GALNT13: variants seen among roughly 807,000 people sequenced by gnomAD.
GALNT13 encodes the protein UDP-GalNAc:polypeptide N-acetylgalactosaminyltransferase 13.
A neutral mutation model predicts 64.2 loss-of-function variants in GALNT13; 28 were observed. The ratio of observed to expected loss-of-function variants is 0.44; its 90% CI spans 0.32 to 0.60. The LOEUF (loss-of-function observed/expected upper bound fraction) is 0.60. GALNT13 is among the 20% of genes least tolerant of loss of function. The probability of loss-of-function intolerance (pLI) is 0.05; values close to 1 mark genes in which losing one functional copy is unlikely to be tolerated. For synonymous variants in GALNT13, 214 were observed against 224.6 expected (o/e 0.95, Z 0.42); for missense variants, 577 against 669.8 (o/e 0.86, Z 1.53).
the GALNT13 span, among the ~76,000 whole-genome samples, chr2:153,503,935 T>C: frequency 1.3e-5 from 2 of 152,094 alleles, no homozygotes; most frequent in African/African-American, 2.4e-5. Context: ...TGGTGGTATA[T>C]TGATGGGAAT....
At chr2:153,782,825 C>T in the GALNT13 span, among the ~76,000 whole-genome samples, 2 of 152,154 alleles carry the variant, frequency 1.3e-5, no homozygotes, top group Non-Finnish European at 2.9e-5. Flanking sequence ...GTTTAGACTA[C>T]CCAATCCGTG....
chr2:154,299,656 G>A (rs924808464), intron 8 of GALNT13, among the ~76,000 whole-genome samples: 2 of 151,060 alleles, frequency 1.3e-5, no homozygotes, highest in South Asian at 2.1e-4. Flanking sequence ...GTAGAGACAG[G>A]GTTTCACTGT....
At chr2:154,269,583 A>G (rs1219727314) in intron 8 of GALNT13, among the ~76,000 whole-genome samples, 1 of 151,798 alleles carries the variant, frequency 6.6e-6, no homozygotes. Flanking sequence ...GAAATCATAA[A>G]CTGACATCAT....
chr2:154,110,384 G>GAGAGAC (rs2105488034), intron 3 of GALNT13, among the ~76,000 whole-genome samples: 1 of 133,066 alleles, frequency 7.5e-6, no homozygotes, highest in South Asian at 2.5e-4. Context: ...GAGACAGAGA[G>GAGAGAC]AGAGAGAGAG....
chr2:153,146,718 G>C, the GALNT13 span, among the ~76,000 whole-genome samples: 2 of 151,852 alleles, frequency 1.3e-5, no homozygotes. Context: ...GATTCTGGTA[G>C]AAAAGACACT....
the GALNT13 span, among the ~76,000 whole-genome samples, chr2:153,825,608 CTGTGTGTGTGTG>C: frequency 3.0e-4 from 41 of 134,862 alleles, no homozygotes; most frequent in African/African-American, 2.6e-4. Context: ...TCCATGAGTG[CTGTGTGTGTGTG>C]TGTGTGTGTG....
At chr2:153,196,254 C>A in the GALNT13 span, among the ~76,000 whole-genome samples, 1 of 152,326 alleles carries the variant, frequency 6.6e-6, no homozygotes, top group South Asian at 2.1e-4. Flanking sequence ...GATGTCCAGG[C>A]TGCTCATGCC....
At chr2:153,221,726 G>A in the GALNT13 span, among the ~76,000 whole-genome samples, 1 of 152,148 alleles carries the variant, frequency 6.6e-6, no homozygotes, top group African/African-American at 2.4e-5. Context: ...ATGGAGTCCA[G>A]CCACTGCGCA....
At chr2:154,270,917 A>G (rs1691317918) in intron 8 of GALNT13, among the ~76,000 whole-genome samples, 1 of 151,924 alleles carries the variant, frequency 6.6e-6, no homozygotes, top group Admixed American at 6.6e-5. Flanking sequence ...AAGATAGAGT[A>G]TCATTTGGGG....
At chr2:153,911,196 T>A (rs945137629) in intron 2 of GALNT13, among the ~76,000 whole-genome samples, 5 of 152,206 alleles carry the variant, frequency 3.3e-5, no homozygotes, top group Non-Finnish European at 7.3e-5. Context: ...CTTTGTTGAT[T>A]TAAAGTCTGC....
the GALNT13 span, among the ~76,000 whole-genome samples, chr2:153,434,025 T>G: frequency 1.3e-5 from 2 of 152,152 alleles, no homozygotes; most frequent in African/African-American, 2.4e-5. Flanking sequence ...TTCCCCTTGT[T>G]GTGTTCATGT....
chr2:153,950,017 C>A (rs1236873106), intron 3 of GALNT13, among the ~76,000 whole-genome samples: 2 of 151,246 alleles, frequency 1.3e-5, no homozygotes, highest in African/African-American at 4.9e-5. Context: ...ATTTAGACAT[C>A]TATAAGACCT....
chr2:153,728,680 C>T, the GALNT13 span, among the ~76,000 whole-genome samples: 1 of 151,878 alleles, frequency 6.6e-6, no homozygotes, highest in African/African-American at 2.4e-5. Context: ...CACGAAAAAC[C>T]CTTCAAAAAA....
the GALNT13 span, among the ~76,000 whole-genome samples, chr2:153,752,235 G>A: frequency 2.0e-5 from 3 of 151,994 alleles, no homozygotes; most frequent in African/African-American, 2.4e-5. Context: ...TCATCATTTG[G>A]TCTTTCTACT....
At chr2:153,931,190 G>A (rs1326159879) in intron 2 of GALNT13, among the ~76,000 whole-genome samples, 1 of 149,784 alleles carries the variant, frequency 6.7e-6, no homozygotes, top group Non-Finnish European at 1.5e-5. Flanking sequence ...TTTGTACATT[G>A]ATTTTGTATG....
At chr2:154,044,553 G>A (rs1176680735) in intron 3 of GALNT13, among the ~76,000 whole-genome samples, 1 of 152,072 alleles carries the variant, frequency 6.6e-6, no homozygotes, top group Non-Finnish European at 1.5e-5. Context: ...CATTGAAAAA[G>A]TACTGAGTGA....
At chr2:153,777,075 G>C in the GALNT13 span, among the ~76,000 whole-genome samples, 1 of 151,962 alleles carries the variant, frequency 6.6e-6, no homozygotes, top group Non-Finnish European at 1.5e-5. Flanking sequence ...ATTTAATGAA[G>C]TAGATTGACA....
chr2:153,979,461 G>A (rs1250436086), intron 3 of GALNT13, among the ~76,000 whole-genome samples: 5 of 152,086 alleles, frequency 3.3e-5, no homozygotes, highest in Non-Finnish European at 7.4e-5. Context: ...ATGGAGTTAA[G>A]GATCTGAGAT....
intron 8 of GALNT13, among the ~76,000 whole-genome samples, chr2:154,265,160 A>G (rs192982765): frequency 8.9e-4 from 135 of 152,100 alleles, no homozygotes; most frequent in African/African-American, 3.0e-3. Flanking sequence ...GGAATGGAAC[A>G]TTATCATTCT....
Sources: gnomAD v4.1 joint callset for allele counts (sites outside exome capture counted in the v4.1 genomes callset) on GRCh38, gnomAD v4.1.1 for gene constraint, MANE v1.5 for transcripts, NCBI Gene and HGNC (gene_info 2026-07-23, HGNC 2026-07-21) for gene names.